The following RGS7 variants were observed in gnomAD, a reference collection of about 807,000 sequenced individuals.
RGS7 encodes the protein regulator of G-protein signaling 7.
A neutral mutation model predicts 81.1 loss-of-function variants in RGS7; 27 were observed. The observed-to-expected ratio is 0.33, with a 90% confidence interval of 0.25 to 0.46. RGS7 has a LOEUF of 0.46. Ranked by LOEUF, RGS7 falls within the 20% of genes least tolerant of loss-of-function variation. The pLI is 1.00. For missense variants in RGS7, 396 were observed against 607.4 expected, an observed-to-expected ratio of 0.65 and a Z score of 3.66; for synonymous variants, 208 against 207.7, an observed-to-expected ratio of 1.00 and a Z score of -0.01.
intron 3 of RGS7, among the ~76,000 whole-genome samples, chr1:241,022,708 A>G (rs1398872725): frequency 6.6e-6 from 1 of 152,166 alleles, no homozygotes; most frequent in African/African-American, 2.4e-5. Flanking sequence ...TTTCAGGAAA[A>G]TTGATTAGAA....
At chr1:241,054,081 T>C (rs145848816) in intron 3 of RGS7, among the ~76,000 whole-genome samples, 402 of 152,312 alleles carry the variant, frequency 2.6e-3, no homozygotes, top group African/African-American at 9.2e-3. Context: ...CCAATAAATA[T>C]GCATGAATTA....
intron 2 of RGS7, among the ~76,000 whole-genome samples, chr1:241,324,298 G>A (rs1330953522): frequency 6.6e-6 from 1 of 151,300 alleles, no homozygotes; most frequent in East Asian, 1.9e-4. Flanking sequence ...TTTTGCCTTG[G>A]AGACAGTTTG....
At chr1:241,246,297 A>T (rs781092521) in intron 2 of RGS7, among the ~76,000 whole-genome samples, 10 of 152,188 alleles carry the variant, frequency 6.6e-5, no homozygotes, top group Non-Finnish European at 1.0e-4. Context: ...GGAAACCTGG[A>T]CTGATAAATC....
rs139677229 is a variant in RGS7, at chr1:241,160,090, G to A, written c.79-61328C>T. 2.7e-3 allele frequency among the ~76,000 whole-genome samples: 334 copies of A among 125,630 alleles called. 1 individual carries two copies. The highest frequency in any genetic ancestry group is 9.2e-3 in the African/African-American group (302 of 32,814). 82.4% of individuals were successfully genotyped at this position (125,630 alleles called of 152,430 possible). Reference sequence around the variant, plus strand: ...AGCACCACGGCACTATAGCCTGGGTGACAGAGCGAGACTCCATCTCAAAAA... The same window carrying A: ...AGCACCACGGCACTATAGCCTGGGTAACAGAGCGAGACTCCATCTCAAAAA... On this transcript the variant is annotated intron_variant, in intron 2 of 18. Transcript: ENST00000440928.
chr1:240,782,351 G>A (rs1684262927), intron 18 of RGS7, among the ~76,000 whole-genome samples: 1 of 152,176 alleles, frequency 6.6e-6, no homozygotes, highest in Admixed American at 6.5e-5. Context: ...GATGCTGTAT[G>A]GAACCAGCTC....
intron 3 of RGS7, among the ~76,000 whole-genome samples, chr1:241,073,086 A>T (rs2062573997): frequency 6.6e-6 from 1 of 152,136 alleles, no homozygotes; most frequent in South Asian, 2.1e-4. Flanking sequence ...CATTAATCAC[A>T]GGTATCTCCA....
At chr1:240,834,512 T>G (rs552196956) in intron 9 of RGS7, among the ~76,000 whole-genome samples, 4 of 152,182 alleles carry the variant, frequency 2.6e-5, no homozygotes, top group East Asian at 1.9e-4. Context: ...TTAAGGTTTT[T>G]TTTGTTTGTT....
At chr1:241,068,969 C>T (rs2062262894) in intron 3 of RGS7, among the ~76,000 whole-genome samples, 1 of 152,138 alleles carries the variant, frequency 6.6e-6, no homozygotes, top group South Asian at 2.1e-4. Context: ...ACCTCCCCCT[C>T]CTCTTGCTCC....
At chr1:241,289,824 G>A (rs151285637) in intron 2 of RGS7, among the ~76,000 whole-genome samples, 1 of 152,114 alleles carries the variant, frequency 6.6e-6, no homozygotes, top group East Asian at 1.9e-4. Flanking sequence ...TGGAGGGAGA[G>A]CATGACTGCC....
rs1289391934 is a variant in RGS7 at position 241,144,939 on chromosome 1, G to A, written c.79-46177C>T. Among the ~76,000 whole-genome samples the A allele has an allele frequency of 6.8e-6, 1 of 146,552 alleles. No individual in the cohort carries two copies. Among genetic ancestry groups the A allele is most frequent in the African/African-American group, 2.7e-5 (1 of 36,524 alleles). Reference sequence around the variant, plus strand: ...GCAGGGCAGGATGGTGTGTGTGTGTGTGTGTGTGTGTGTGTGTGTGTGTGT... The same window carrying A: ...GCAGGGCAGGATGGTGTGTGTGTGTATGTGTGTGTGTGTGTGTGTGTGTGT... On this transcript the variant is annotated intron_variant, in intron 2 of 18. Coordinates refer to ENST00000440928, the MANE Select transcript of RGS7 (RefSeq NM_001364886.1). The surrounding 1 kb of genome is among the most constrained non-coding windows in gnomAD (Gnocchi z 4.7).
In RGS7 at chr1:240,848,501, C is replaced by T. The variant is rs373556180; in HGVS notation, c.609+20086G>A. 9.2e-5 allele frequency among the ~76,000 whole-genome samples: 14 copies of T among 152,034 alleles called. No homozygotes were observed. The South Asian group carries it at 1.2e-3, about 14-fold the overall frequency. On this transcript the variant is annotated intron_variant, in intron 9 of 18. Coordinates refer to ENST00000440928, the MANE Select transcript of RGS7 (RefSeq NM_001364886.1). ...ATAATAAGACCAAAAAATAATAAGA[C>T]CATTTTCAAATTTTCAGAATTTGAA... is the stretch of plus-strand genomic sequence containing the variant.
At chr1:241,315,643 AAG>A (rs1188826223) in intron 2 of RGS7, among the ~76,000 whole-genome samples, 8 of 152,190 alleles carry the variant, frequency 5.3e-5, no homozygotes, top group Non-Finnish European at 8.8e-5. Flanking sequence ...CATCTGTGAA[AAG>A]AGAGAATTTT....
chr1:241,218,164 C>T (rs1044935503), intron 2 of RGS7, among the ~76,000 whole-genome samples: 3 of 152,164 alleles, frequency 2.0e-5, no homozygotes, highest in African/African-American at 7.2e-5. Context: ...TGCAAAAGAG[C>T]CCCGAGTATC....
intron 2 of RGS7, chr1:241,305,764 G>T: frequency 4.1e-6 from 1 of 243,778 alleles, no homozygotes; most frequent in South Asian, 4.5e-5. Context: ...ACACCTCTCG[G>T]GGCATGTCTT....
intron 14 of RGS7, 122 bp downstream of exon 14, chr1:240,811,796 A>G: frequency 1.1e-6 from 1 of 928,002 alleles, no homozygotes; most frequent in East Asian, 2.4e-5. Context: ...GCAGAAATTC[A>G]ATGGGTTCAT....
At chr1:241,007,538 G>A (rs549432575) in intron 3 of RGS7, among the ~76,000 whole-genome samples, 2 of 152,112 alleles carry the variant, frequency 1.3e-5, no homozygotes, top group Non-Finnish European at 2.9e-5. Flanking sequence ...AAGACTCAAC[G>A]GTGTAAGGAA....
intron 3 of RGS7, among the ~76,000 whole-genome samples, chr1:241,073,844 C>T (rs1256391980): frequency 6.6e-6 from 1 of 151,982 alleles, no homozygotes; most frequent in Non-Finnish European, 1.5e-5. Flanking sequence ...CAAGTTTATG[C>T]CGTACCTTAG....
chr1:241,240,724 A>C (rs2076221452), intron 2 of RGS7, among the ~76,000 whole-genome samples: 1 of 152,240 alleles, frequency 6.6e-6, no homozygotes, highest in Non-Finnish European at 1.5e-5. Context: ...CATAATGTTA[A>C]TCATAACATG....
chr1:241,206,524 T>C (rs1445588000), intron 2 of RGS7, among the ~76,000 whole-genome samples: 2 of 152,170 alleles, frequency 1.3e-5, no homozygotes, highest in Admixed American at 1.3e-4. Flanking sequence ...GGCTTCATTC[T>C]TCTTTTAAAA....
Sources: allele counts gnomAD v4.1 joint callset (sites outside exome capture counted in the v4.1 genomes callset), GRCh38; gene constraint gnomAD v4.1.1; non-coding constraint Gnocchi (gnomAD v3.1); transcripts MANE v1.5; gene names NCBI Gene and HGNC (gene_info 2026-07-23, HGNC 2026-07-21).